SND1: variants seen among roughly 807,000 people sequenced by gnomAD.
The protein encoded by SND1 is staphylococcal nuclease and tudor domain containing 1, also known as staphylococcal nuclease domain-containing protein 1.
In SND1, 38 loss-of-function variants were observed where a neutral mutation model predicts 121.7. That is an observed-to-expected ratio of 0.31 (90% CI 0.24 to 0.41). SND1 has a LOEUF of 0.41. SND1 is among the 10% of genes least tolerant of loss of function. SND1 has a pLI of 1.00. For synonymous variants in SND1, 401 were observed against 447.4 expected (o/e 0.90, Z 1.31); for missense variants, 868 against 1,184.6 (o/e 0.73, Z 3.92).
intron 16 of SND1, among the ~76,000 whole-genome samples, chr7:128,003,454 G>C (rs1802884863): frequency 6.6e-6 from 1 of 152,076 alleles, no homozygotes; most frequent in African/African-American, 2.4e-5. Context: ...TCTTTTTAAT[G>C]GTTACCAGAA....
At chr7:127,676,798 A>G (rs76880043) in intron 1 of SND1, among the ~76,000 whole-genome samples, 2,765 of 152,294 alleles carry the variant, frequency 0.018, 95 homozygotes, top group African/African-American at 0.06. Flanking sequence ...CTGAAGTGCA[A>G]TGGCCTGATC....
intron 14 of SND1, chr7:127,927,957 T>C (rs1414509636): frequency 6.6e-6 from 1 of 152,206 alleles, no homozygotes; most frequent in Non-Finnish European, 1.5e-5. Flanking sequence ...TCAGTTCTGC[T>C]GGCTGGGCTG....
chr7:127,920,757 C>A (rs1329533295), intron 14 of SND1, among the ~76,000 whole-genome samples: 1 of 149,800 alleles, frequency 6.7e-6, no homozygotes, highest in Non-Finnish European at 1.5e-5. Flanking sequence ...AGCTTATGTG[C>A]TTGATACTTT....
intron 22 of SND1, among the ~76,000 whole-genome samples, chr7:128,090,705 C>T (rs1584784339): frequency 6.6e-6 from 1 of 152,334 alleles, no homozygotes; most frequent in South Asian, 2.1e-4. Context: ...TTTCCTCTCT[C>T]CCCACCACAC....
intron 12 of SND1, among the ~76,000 whole-genome samples, chr7:127,867,625 T>C (rs1232112771): frequency 6.6e-6 from 1 of 152,202 alleles, no homozygotes; most frequent in East Asian, 1.9e-4. Context: ...TACTGGTATA[T>C]CAGGTTCATC....
chr7:127,987,483 A>G (rs1802421068), intron 15 of SND1, among the ~76,000 whole-genome samples: 2 of 152,244 alleles, frequency 1.3e-5, no homozygotes, highest in African/African-American at 4.8e-5. Flanking sequence ...ACGACAACTG[A>G]CTTTTTGGCT....
intron 2 of SND1, chr7:127,694,614 A>G: frequency 4.1e-6 from 2 of 492,550 alleles, no homozygotes; most frequent in Non-Finnish European, 7.1e-6. Flanking sequence ...TGTCTGTGTT[A>G]GTTAAACCAA....
intron 10 of SND1, among the ~76,000 whole-genome samples, chr7:127,765,047 G>A (rs1797387236): frequency 6.6e-6 from 1 of 152,110 alleles, no homozygotes; most frequent in African/African-American, 2.4e-5. Flanking sequence ...ATTCTCTTTG[G>A]GAGACTAAAG....
chr7:127,906,540 T>G (rs1800344245), intron 14 of SND1, among the ~76,000 whole-genome samples: 1 of 152,082 alleles, frequency 6.6e-6, no homozygotes, highest in East Asian at 1.9e-4. Context: ...CTTTGGAAAA[T>G]GCAATGAAAA....
At chr7:128,058,942 C>T (rs755603358) in intron 16 of SND1, among the ~76,000 whole-genome samples, 5 of 152,112 alleles carry the variant, frequency 3.3e-5, no homozygotes, top group African/African-American at 7.2e-5. Flanking sequence ...AGTCAGCTCT[C>T]TCCAGCTTTT....
intron 9 of SND1, among the ~76,000 whole-genome samples, chr7:127,717,005 GTGAT>G (rs1796403129): frequency 6.6e-6 from 1 of 152,166 alleles, no homozygotes; most frequent in African/African-American, 2.4e-5. Flanking sequence ...GAAAAAGAAA[GTGAT>G]TGAGTTAGAA....
intron 10 of SND1, among the ~76,000 whole-genome samples, chr7:127,769,280 C>T (rs1213974821): frequency 6.6e-6 from 1 of 151,962 alleles, no homozygotes; most frequent in East Asian, 1.9e-4. Flanking sequence ...GTAGTAAACT[C>T]CGTTTCCTCA....
intron 10 of SND1, among the ~76,000 whole-genome samples, chr7:127,790,180 A>G (rs1797882820): frequency 6.6e-6 from 1 of 152,156 alleles, no homozygotes; most frequent in Non-Finnish European, 1.5e-5. Context: ...ATTCAGCAAC[A>G]TTTGTTTGGA....
chr7:127,839,445 C>T (rs115426036), intron 11 of SND1, among the ~76,000 whole-genome samples: 2,710 of 152,186 alleles, frequency 0.018, 87 homozygotes, highest in African/African-American at 0.061. Context: ...TCCTTCCTAC[C>T]TCCTCTAACC....
intron 10 of SND1, among the ~76,000 whole-genome samples, chr7:127,724,211 T>A (rs1796544506): frequency 6.6e-6 from 1 of 152,284 alleles, no homozygotes; most frequent in Admixed American, 6.5e-5. Flanking sequence ...TAATTTCATT[T>A]ACGTTAAGTG....
chr7:128,054,921 G>T (rs1793110017), intron 16 of SND1, among the ~76,000 whole-genome samples: 1 of 152,222 alleles, frequency 6.6e-6, no homozygotes, highest in Admixed American at 6.5e-5. Context: ...CAGCATCTCT[G>T]TGATGTGGGG....
intron 10 of SND1, among the ~76,000 whole-genome samples, chr7:127,735,205 T>G (rs1468957183): frequency 6.6e-6 from 1 of 152,222 alleles, no homozygotes; most frequent in Non-Finnish European, 1.5e-5. Flanking sequence ...AAGTGCCACC[T>G]GGACCTGGAG....
At chr7:127,697,213 A>T (rs892204542) in intron 3 of SND1, among the ~76,000 whole-genome samples, 1 of 152,254 alleles carries the variant, frequency 6.6e-6, no homozygotes, top group Non-Finnish European at 1.5e-5. Flanking sequence ...TCAGAATTTG[A>T]TAAGTAAGGA....
intron 10 of SND1, among the ~76,000 whole-genome samples, chr7:127,781,400 A>AAG (rs1797718736): frequency 6.6e-6 from 1 of 151,410 alleles, no homozygotes; most frequent in African/African-American, 2.4e-5. Flanking sequence ...TCATTATACT[A>AAG]ATATATATAA....
Sources: gnomAD v4.1 joint callset for allele counts (sites outside exome capture counted in the v4.1 genomes callset) on GRCh38, gnomAD v4.1.1 for gene constraint, MANE v1.5 for transcripts, NCBI Gene and HGNC (gene_info 2026-07-23, HGNC 2026-07-21) for gene names.